TESPA1: variants seen among roughly 807,000 people sequenced by gnomAD.
The protein encoded by TESPA1 is protein TESPA1.
A neutral mutation model predicts 57.9 loss-of-function variants in TESPA1; 33 were observed. That is an observed-to-expected ratio of 0.57 (90% CI 0.43 to 0.76). The LOEUF (loss-of-function observed/expected upper bound fraction) is 0.76, where lower values mean the gene tolerates loss of function less well. Among genes scored for constraint, TESPA1 ranks in the 30% least tolerant of loss-of-function variants. The pLI is 0.00. For synonymous variants in TESPA1, 227 were observed against 228.9 expected (o/e 0.99, Z 0.07); for missense variants, 618 against 632.9 (o/e 0.98, Z 0.25).
At chr12:54,965,386 C>T (rs778549834) in intron 7 of TESPA1, among the ~76,000 whole-genome samples, 1 of 152,152 alleles carries the variant, frequency 6.6e-6, no homozygotes, top group African/African-American at 2.4e-5. Context: ...TGTTGTTCCC[C>T]TCCCTGTGTC....
intron 5 of TESPA1, among the ~76,000 whole-genome samples, chr12:54,966,784 G>A (rs1447294525): frequency 6.6e-6 from 1 of 152,158 alleles, no homozygotes; most frequent in Admixed American, 6.5e-5. Context: ...GTAGGTTGCT[G>A]TGCTTTCATT....
In TESPA1 at chr12:54,967,873, A is replaced by G. The variant is rs1019447115; in HGVS notation, c.226T>C (p.Ser76Pro). The G allele has an allele frequency of 6.2e-7, 1 of 1,613,752 alleles. No homozygotes were observed. Among genetic ancestry groups the G allele is most frequent in the Non-Finnish European group, 8.5e-7 (1 of 1,179,736 alleles). ...QDCGYSEEGFSEEAGQFIYNG... is the reference protein window; with the variant it reads ...QDCGYSEEGFPEEAGQFIYNG... The stretch of plus-strand genomic sequence containing the variant: ...TAGATAAACTGTCCTGCTTCCTCAG[A>G]AAATCCTTCTTCAGAGTATCTAAAC... The change falls in exon 4 of 11, where the codon TCT (serine) becomes CCT (proline). Residue 76 changes from serine to proline, a missense_variant. Ser to Pro is a moderately conservative substitution (Grantham distance 74). Around this residue, in one of 3 missense-constraint regions of TESPA1, gnomAD observed 199 missense variants for 184.0 expected, o/e 1.08. Transcript: ENST00000449076.
intron 5 of TESPA1, among the ~76,000 whole-genome samples, chr12:54,966,817 C>G (rs983341391): frequency 3.9e-5 from 6 of 152,314 alleles, no homozygotes; most frequent in Admixed American, 3.9e-4. Flanking sequence ...CCTTCTCCTC[C>G]TGCAGTATAG....
At chr12:54,960,082 G>A (rs1389872167) in intron 10 of TESPA1, among the ~76,000 whole-genome samples, 1 of 152,090 alleles carries the variant, frequency 6.6e-6, no homozygotes, top group Non-Finnish European at 1.5e-5. Context: ...AATTAGACTA[G>A]AAAATGTAGA....
intron 1 of TESPA1, among the ~76,000 whole-genome samples, chr12:54,977,690 A>G (rs984545614): frequency 2.0e-5 from 3 of 152,234 alleles, no homozygotes; most frequent in African/African-American, 7.2e-5. Flanking sequence ...ACTGAGAATG[A>G]CAGACATTTT....
upstream of TESPA1, among the ~76,000 whole-genome samples, chr12:54,985,033 G>A (rs1027170417): frequency 1.3e-5 from 2 of 152,212 alleles, no homozygotes; most frequent in Admixed American, 1.3e-4. Context: ...CACTGCTGCA[G>A]ATAAATCCTT....
chr12:54,952,543 G>A (rs960358950), intron 10 of TESPA1, among the ~76,000 whole-genome samples: 1 of 152,202 alleles, frequency 6.6e-6, no homozygotes, highest in Admixed American at 6.5e-5. Flanking sequence ...TTTATGTTGG[G>A]TAGAGATGCA....
At chr12:54,967,159 A>G in intron 5 of TESPA1, 24 bp downstream of exon 5, 5 of 1,612,344 alleles carry the variant, frequency 3.1e-6, no homozygotes, top group Non-Finnish European at 4.2e-6. Flanking sequence ...TCTCATCCCA[A>G]CCTCAGAGAA....
intron 10 of TESPA1, among the ~76,000 whole-genome samples, chr12:54,957,765 T>C (rs574342995): frequency 3.3e-4 from 50 of 152,222 alleles, no homozygotes; most frequent in Non-Finnish European, 7.3e-5. Context: ...AAAAAGTGCA[T>C]TTAATTTATA....
intron 1 of TESPA1, among the ~76,000 whole-genome samples, chr12:54,982,608 T>C (rs1287999919): frequency 5.3e-5 from 8 of 152,196 alleles, no homozygotes; most frequent in Non-Finnish European, 7.3e-5. Context: ...GTTCTCAATG[T>C]AGGGAGACAT....
chr12:54,948,813 AC>A lies in TESPA1; in HGVS notation c.*1578del, dbSNP rs1950219795. 6.6e-6 allele frequency: 1 copy of A among 152,244 alleles called. No homozygotes were observed. The highest frequency in any genetic ancestry group is 1.5e-5 in the Non-Finnish European group (1 of 68,042). 9.4% of individuals were successfully genotyped at this position (152,244 alleles called of 1,614,324 possible). On this transcript the variant is annotated 3_prime_UTR_variant, in exon 11 of 11. Coordinates refer to ENST00000449076, the MANE Select transcript of TESPA1 (RefSeq NM_001136030.3). ...TGTCAGATATTTCTGTTCTCTTGTG[AC>A]AAGATAGCCTTAACTTTCCCCTCAG...
rs1417998764 is a variant in TESPA1, at chr12:54,969,035, A to G, written c.207-1143T>C. The stretch of plus-strand genomic sequence containing the variant: ...TATTTATATATGTATATATATATAT[A>G]TATATATATATGTGTGTGTGTAGAT... On this transcript the variant is annotated intron_variant, in intron 3 of 10. Coordinates refer to ENST00000449076, the MANE Select transcript of TESPA1 (RefSeq NM_001136030.3). Among the ~76,000 whole-genome samples the G allele has an allele frequency of 9.1e-5, 11 of 121,068 alleles. No individual in the cohort carries two copies. The East Asian group carries it at 3.7e-3, about 41-fold the overall frequency. The allele number at this position is 121,068 out of a possible 152,430, so 79.4% of individuals were successfully genotyped here.
intron 1 of TESPA1, among the ~76,000 whole-genome samples, chr12:54,983,065 C>A (rs1189164660): frequency 6.6e-6 from 1 of 152,186 alleles, no homozygotes; most frequent in Non-Finnish European, 1.5e-5. Flanking sequence ...ATCTTTTCCC[C>A]TTACTGTAGC....
chr12:54,961,366 G>A, intron 9 of TESPA1, 99 bp from the exon 10 acceptor site: 1 of 1,283,156 alleles, frequency 7.8e-7, no homozygotes, highest in Non-Finnish European at 1.1e-6. Flanking sequence ...GAGGCTGAGT[G>A]TACTTGAGAG....
At position 54,974,517 on chromosome 12, in the gene TESPA1, C is replaced by T; in HGVS notation, c.46G>A (p.Ala16Thr). 3.1e-6 allele frequency: 5 copies of T among 1,600,050 alleles called. No homozygotes were observed. Among genetic ancestry groups the T allele is most frequent in the Non-Finnish European group, 4.3e-6 (5 of 1,173,232 alleles). ...CAGTTACGGCTCTGACGGAGCCAGGCCCGCCGTTTCTCCCAGGATGTGGGG... is the reference window on the plus strand; with the variant it reads ...CAGTTACGGCTCTGACGGAGCCAGGTCCGCCGTTTCTCCCAGGATGTGGGG... ...LSPTSWEKRR[A>T]WLRQSRNWQT... Residue 16 changes from alanine (A) to threonine (T), a missense_variant, in exon 2 of 11, where the codon GCC (alanine) becomes ACC (threonine). Coordinates refer to ENST00000449076, the MANE Select transcript of TESPA1 (RefSeq NM_001136030.3).
At chr12:54,978,765 C>A in intron 1 of TESPA1, among the ~76,000 whole-genome samples, 1 of 152,174 alleles carries the variant, frequency 6.6e-6, no homozygotes, top group East Asian at 1.9e-4. Context: ...CAAACGAATT[C>A]TTTCTACCCT....
At chr12:54,955,014 CT>C (rs755131068) in intron 10 of TESPA1, among the ~76,000 whole-genome samples, 1 of 152,184 alleles carries the variant, frequency 6.6e-6, no homozygotes, top group Non-Finnish European at 1.5e-5. Context: ...ACTTAGTACT[CT>C]TTTCCATAGC....
intron 9 of TESPA1, 143 bp from the exon 10 acceptor site, chr12:54,961,410 T>A: frequency 1.2e-6 from 1 of 816,948 alleles, no homozygotes; most frequent in Non-Finnish European, 2.0e-6. Context: ...GACACAGTAA[T>A]GAGGAAGGCA....
intron 3 of TESPA1, among the ~76,000 whole-genome samples, chr12:54,972,724 C>G (rs1318313731): frequency 6.6e-6 from 1 of 152,088 alleles, no homozygotes; most frequent in Non-Finnish European, 1.5e-5. Flanking sequence ...TATTTATTTC[C>G]TACCAAATAA....
Sources: allele counts gnomAD v4.1 joint callset (sites outside exome capture counted in the v4.1 genomes callset), GRCh38; gene constraint gnomAD v4.1.1; regional missense constraint gnomAD v4.1.1; transcripts MANE v1.5; gene names NCBI Gene and HGNC (gene_info 2026-07-23, HGNC 2026-07-21).